Variants in NR3C1 observed in about 807,000 individuals in gnomAD.
The protein encoded by NR3C1 is nuclear receptor subfamily 3 group C member 1.
Under a neutral mutation model 74.0 loss-of-function variants are expected in NR3C1, and 14 were observed. The ratio of observed to expected loss-of-function variants is 0.19; its 90% confidence interval spans 0.12 to 0.30. The LOEUF (loss-of-function observed/expected upper bound fraction) is 0.30, where lower values mean the gene tolerates loss of function less well. Among genes scored for constraint, NR3C1 ranks in the 10% least tolerant of loss-of-function variants. The pLI, the probability that NR3C1 is intolerant of heterozygous loss-of-function variation, is 1.00. For missense variants in NR3C1, 695 were observed against 909.8 expected, an observed-to-expected ratio of 0.76 and a Z score of 3.04; for synonymous variants, 308 against 332.5, an observed-to-expected ratio of 0.93 and a Z score of 0.80.
At chr5:143,435,416 A>G in exon 1 of NR3C1, 1 of 985,486 alleles carries the variant, frequency 1.0e-6, no homozygotes, top group Non-Finnish European at 1.2e-6. Context: ...GCCTCTACTC[A>G]AATGTCTGCA....
intron 1 of NR3C1, among the ~76,000 whole-genome samples, chr5:143,413,250 T>C (rs1460878888): frequency 6.6e-6 from 1 of 152,130 alleles, no homozygotes; most frequent in Non-Finnish European, 1.5e-5. Flanking sequence ...GGTGTGGATA[T>C]GGAGATGGTG....
At chr5:143,393,124 A>G (rs1225272038) in intron 2 of NR3C1, among the ~76,000 whole-genome samples, 1 of 152,118 alleles carries the variant, frequency 6.6e-6, no homozygotes, top group Non-Finnish European at 1.5e-5. Context: ...CAAGAGCCCC[A>G]CCTCTCGGGT....
intron 2 of NR3C1, among the ~76,000 whole-genome samples, chr5:143,347,857 T>G (rs921763812): frequency 3.5e-4 from 53 of 152,218 alleles, no homozygotes; most frequent in African/African-American, 1.2e-3. Context: ...TTTCTTCAGT[T>G]AGCAAATATA....
At chr5:143,321,176 G>A (rs1289407814) in intron 2 of NR3C1, among the ~76,000 whole-genome samples, 1 of 152,138 alleles carries the variant, frequency 6.6e-6, no homozygotes, top group Non-Finnish European at 1.5e-5. Flanking sequence ...GGAGACAATA[G>A]TGCAGTTATT....
intron 1 of NR3C1, among the ~76,000 whole-genome samples, chr5:143,421,575 C>G (rs1339555476): frequency 6.6e-6 from 1 of 151,958 alleles, no homozygotes; most frequent in Non-Finnish European, 1.5e-5. Flanking sequence ...AATCCCAGCA[C>G]TTTGTGAGGC....
At chr5:143,310,025 A>G (rs74372024) in intron 4 of NR3C1, 72 bp downstream of exon 4, 10 of 1,107,336 alleles carry the variant, frequency 9.0e-6, no homozygotes, top group Non-Finnish European at 1.2e-5. Flanking sequence ...GCTTACGTGT[A>G]TCTTCAAAAG....
upstream of NR3C1, chr5:143,404,138 G>A: frequency 7.1e-6 from 7 of 985,384 alleles, no homozygotes; most frequent in Non-Finnish European, 7.2e-6. Context: ...GTGCCCCTGC[G>A]GGTGACAGCG....
At chr5:143,315,572 C>T (rs976770167) in intron 2 of NR3C1, among the ~76,000 whole-genome samples, 1 of 151,974 alleles carries the variant, frequency 6.6e-6, no homozygotes, top group Non-Finnish European at 1.5e-5. Context: ...ATTGGGTGTT[C>T]GTTGTCTCTG....
rs144542377 is a variant in NR3C1, at chr5:143,363,538, A to G, written c.1184+36118T>C. On this transcript the variant is annotated intron_variant, in intron 2 of 8. Transcript: ENST00000394464. ...CAGTGAGCTGAGATCGTGCCACTGC[A>G]CTCCAGCCTGGGTGACAGAGCGAGA... Among the ~76,000 whole-genome samples the G allele has an allele frequency of 1.0e-3, 156 of 152,044 alleles. 3 individuals carry two copies. The East Asian group carries it at 0.022, about 22-fold the overall frequency.
At chr5:143,431,681 A>C (rs1751833937) in intron 1 of NR3C1, among the ~76,000 whole-genome samples, 2 of 152,252 alleles carry the variant, frequency 1.3e-5, no homozygotes, top group African/African-American at 4.8e-5. Context: ...AATAAAATAG[A>C]AAAAGAAAAG....
rs570637007 is a variant in NR3C1 at position 143,287,932 on chromosome 5, T to C, written c.2024-5207A>G. Among the ~76,000 whole-genome samples the C allele has an allele frequency of 5.3e-5, 8 of 152,302 alleles. No homozygotes were observed. In the South Asian group the frequency reaches 1.2e-3, roughly 24 times the overall value. On this transcript the variant is annotated intron_variant, in intron 7 of 8. Coordinates refer to ENST00000394464, the MANE Select transcript of NR3C1 (RefSeq NM_000176.3). Reference sequence around the variant, plus strand: ...CTGCTTTCCTGTTATAGCTGTAGAATTGAGAAATTGCAACAGGGACTATAT... The same window carrying C: ...CTGCTTTCCTGTTATAGCTGTAGAACTGAGAAATTGCAACAGGGACTATAT...
At chr5:143,338,938 G>T (rs1827696957) in intron 2 of NR3C1, among the ~76,000 whole-genome samples, 1 of 151,956 alleles carries the variant, frequency 6.6e-6, no homozygotes, top group South Asian at 2.1e-4. Context: ...CTTTTATATT[G>T]TATTTTTATT....
intron 2 of NR3C1, among the ~76,000 whole-genome samples, chr5:143,384,237 T>C (rs1836772084): frequency 6.6e-6 from 1 of 152,148 alleles, no homozygotes; most frequent in African/African-American, 2.4e-5. Flanking sequence ...CACCTCCCAC[T>C]AGGCCCCTCC....
intron 2 of NR3C1, among the ~76,000 whole-genome samples, chr5:143,365,956 A>T (rs557614577): frequency 6.6e-6 from 1 of 152,214 alleles, no homozygotes; most frequent in Non-Finnish European, 1.5e-5. Context: ...ACCTTGAGAC[A>T]AATGAAAACA....
At chr5:143,325,814 T>C (rs989055566) in intron 2 of NR3C1, among the ~76,000 whole-genome samples, 1 of 152,096 alleles carries the variant, frequency 6.6e-6, no homozygotes, top group African/African-American at 2.4e-5. Flanking sequence ...ATTTAGTAAA[T>C]AATGAAAACA....
Position 143,279,349 on chromosome 5 carries a change from T to C in NR3C1, c.*2540A>G. ...GAGTTCTATTTTTTGAGCGCCAAGA[T>C]TGTTGGGATGAAAATCAGATTAATG... On this transcript the variant is annotated 3_prime_UTR_variant, in exon 9 of 9. Transcript: ENST00000394464. The C allele has an allele frequency of 6.4e-7, 1 of 1,550,512 alleles. No homozygotes were observed. The highest frequency in any genetic ancestry group is 8.7e-7 in the Non-Finnish European group (1 of 1,147,790).
chr5:143,293,799 T>C (rs1403675189), intron 7 of NR3C1: 1 of 748,670 alleles, frequency 1.3e-6, no homozygotes, highest in Admixed American at 6.3e-5. Context: ...GAACTCGTGA[T>C]ATTATTTACA....
Position 143,400,405 on chromosome 5 carries a change from A to C in NR3C1, c.435T>G (p.Thr145=). 1 of 1,614,188 alleles carries C rather than the reference A, an allele frequency of 6.2e-7. No homozygotes were observed. Among genetic ancestry groups the C allele is most frequent in the Non-Finnish European group, 8.5e-7 (1 of 1,180,020 alleles). The change falls in exon 2 of 9, where the codon ACT becomes ACG. Residue 145 remains threonine, a synonymous_variant. Transcript: ENST00000394464. The part of the protein sequence containing the change: ...VPENPKSSAS[T]AVSAAPTEKE... ...TCTCTGTGGGGGCAGCAGACACAGC[A>C]GTGGATGCTGAACTCTTGGGGTTCT...
At chr5:143,423,771 A>G (rs1751363317) in intron 1 of NR3C1, among the ~76,000 whole-genome samples, 1 of 152,218 alleles carries the variant, frequency 6.6e-6, no homozygotes, top group African/African-American at 2.4e-5. Context: ...AATGTTATTC[A>G]GCCATAAAAA....
Sources: allele counts gnomAD v4.1 joint callset (sites outside exome capture counted in the v4.1 genomes callset), GRCh38; gene constraint gnomAD v4.1.1; transcripts MANE v1.5; gene names NCBI Gene and HGNC (gene_info 2026-07-23, HGNC 2026-07-21).